Variants in ADPRHL1 observed in about 807,000 individuals in gnomAD.
ADPRHL1 encodes ADP-ribosylhydrolase like 1.
ADPRHL1 carries 43 observed loss-of-function variants against 44.1 expected under a neutral mutation model. The ratio of observed to expected loss-of-function variants is 0.98; its 90% CI spans 0.76 to 1.26. The LOEUF is 1.26. Ranked by LOEUF, ADPRHL1 falls within the 50% of genes most tolerant of loss-of-function variation. The pLI, the probability that ADPRHL1 is intolerant of heterozygous loss-of-function variation, is 0.00. For missense variants in ADPRHL1, 2,022 were observed against 2,496.9 expected (o/e 0.81, Z 4.05); for synonymous variants, 878 against 1,017.4 (o/e 0.86, Z 2.61).
chr13:113,417,642 G>A (rs937520473), intron 7 of ADPRHL1, among the ~76,000 whole-genome samples: 4 of 152,216 alleles, frequency 2.6e-5, no homozygotes, highest in South Asian at 2.1e-4. Flanking sequence ...ATCCCGAGAC[G>A]GTCTCAGGCT....
intron 2 of ADPRHL1, 61 bp from the exon 3 acceptor site, chr13:113,433,928 C>A (rs2044026849): frequency 6.8e-7 from 1 of 1,467,654 alleles, no homozygotes; most frequent in Non-Finnish European, 9.0e-7. Flanking sequence ...CCCTGACAAT[C>A]TAGCTTTCAT....
At chr13:113,423,947 G>A (rs1295974014) in intron 6 of ADPRHL1, among the ~76,000 whole-genome samples, 1 of 152,226 alleles carries the variant, frequency 6.6e-6, no homozygotes, top group African/African-American at 2.4e-5. Flanking sequence ...TGGACCAGGT[G>A]AGAGACTCTT....
At chr13:113,430,369 G>A (rs770030425) in intron 3 of ADPRHL1, among the ~76,000 whole-genome samples, 3 of 152,226 alleles carry the variant, frequency 2.0e-5, no homozygotes, top group Admixed American at 2.0e-4. Context: ...TCCTCTCACT[G>A]CTAGCCATCG....
In ADPRHL1 at chr13:113,406,778, T is replaced by A. The variant is rs2043812423; in HGVS notation, c.2504A>T (p.Gln835Leu). 1 of 1,231,986 alleles carries A rather than the reference T, an allele frequency of 8.1e-7. No homozygotes were observed. The highest frequency in any genetic ancestry group is 1.5e-5 in the African/African-American group (1 of 64,536). The allele number at this position is 1,231,986 out of a possible 1,614,324, so 76.3% of individuals were successfully genotyped here. A position where few individuals can be genotyped will look rare whatever the true frequency, so the allele number is the denominator to read the frequency against. ...TATCCGTGGAGGCTCCGTGGCAGGCTGTGTTCTCCGAGCAGCCTGGACCGA... is the reference window on the plus strand; with the variant it reads ...TATCCGTGGAGGCTCCGTGGCAGGCAGTGTTCTCCGAGCAGCCTGGACCGA... ...APSVQAARRT[Q>L]PATEPPRITV... is the part of the protein sequence containing the mutation. The change falls in exon 8 of 8, where the codon CAG becomes CTG. Residue 835 changes from glutamine (Q) to leucine (L), a missense_variant. Around this residue, in one of 8 missense-constraint regions of ADPRHL1, gnomAD observed 1,221 missense variants for 1,517.8 expected, o/e 0.80. Transcript: ENST00000612156.
chr13:113,441,707 T>C lies in ADPRHL1; in HGVS notation c.379+2718A>G, dbSNP rs2044099751. Among the ~76,000 whole-genome samples, 3 of 152,282 alleles carry C rather than the reference T, an allele frequency of 2.0e-5. No homozygotes were observed. The highest frequency in any genetic ancestry group is 2.0e-4 in the Admixed American group (3 of 15,298). On this transcript the variant is annotated intron_variant, in intron 2 of 7. Coordinates refer to ENST00000612156, the MANE Select transcript of ADPRHL1 (RefSeq NM_001394807.1). The surrounding 1 kb of genome is among the most constrained non-coding windows in gnomAD (Gnocchi z 6.0). Reference sequence around the variant, plus strand: ...TTCTGTAACACTCTATCCCGCTGCGTGGGTCCATGTCTCTATCATGCCATG... The same window carrying C: ...TTCTGTAACACTCTATCCCGCTGCGCGGGTCCATGTCTCTATCATGCCATG...
Position 113,400,839 on chromosome 13 carries a change from A to G in ADPRHL1, c.*2539T>C, listed in dbSNP as rs1371793751. ...CGCTCACAGACTCTGCGCCCGCCAG[A>G]CTGTGAGAGGGGTTCAGGCACGACA... On this transcript the variant is annotated 3_prime_UTR_variant, in exon 8 of 8. Transcript: ENST00000612156. The G allele has an allele frequency of 6.6e-6, 1 of 152,174 alleles. No individual in the cohort carries two copies. The highest frequency in any genetic ancestry group is 1.5e-5 in the Non-Finnish European group (1 of 68,036). 9.4% of individuals were successfully genotyped at this position (152,174 alleles called of 1,614,324 possible). A position where few individuals can be genotyped will look rare whatever the true frequency, so the allele number is the denominator to read the frequency against.
intron 7 of ADPRHL1, chr13:113,422,092 C>T (rs992577556): frequency 6.6e-6 from 1 of 152,236 alleles, no homozygotes; most frequent in Non-Finnish European, 1.5e-5. Flanking sequence ...TCAGCGAGCC[C>T]GATGGGGCAG....
rs140369877 is a variant in ADPRHL1 at position 113,400,255 on chromosome 13, C to T, written c.*3123G>A. On this transcript the variant is annotated 3_prime_UTR_variant, in exon 8 of 8. Coordinates refer to ENST00000612156, the MANE Select transcript of ADPRHL1 (RefSeq NM_001394807.1). ...CCACCTCCCGGGTTCACGCCATTCT[C>T]CTGTCTCAGGCTCCCGAGTAGCTGG... 0.082 allele frequency: 12,114 copies of T among 148,478 alleles called. 1,225 individuals carry two copies. Among genetic ancestry groups the T allele is most frequent in the African/African-American group, 0.23 (9,364 of 40,164 alleles). 9.2% of individuals were successfully genotyped at this position (148,478 alleles called of 1,614,324 possible).
chr13:113,424,075 TC>T, intron 6 of ADPRHL1, 141 bp downstream of exon 6: 2 of 1,195,934 alleles, frequency 1.7e-6, no homozygotes, highest in Non-Finnish European at 2.3e-6. Context: ...CAAAGTGGGT[TC>T]CAGAAAGGAA....
chr13:113,417,094 C>T (rs191538327), intron 7 of ADPRHL1, among the ~76,000 whole-genome samples: 4 of 152,330 alleles, frequency 2.6e-5, no homozygotes, highest in East Asian at 1.9e-4. Flanking sequence ...ATTCAAGGAC[C>T]GTGACAGCAC....
At chr13:113,449,976 T>C (rs2044168348) in intron 1 of ADPRHL1, among the ~76,000 whole-genome samples, 1 of 152,190 alleles carries the variant, frequency 6.6e-6, no homozygotes, top group African/African-American at 2.4e-5. Context: ...TCCTGTAAGA[T>C]TGTGATAAAA....
rs200118384 is a variant in ADPRHL1, at chr13:113,428,941, G to A, written c.646+11C>T. 3.3e-5 allele frequency: 53 copies of A among 1,612,028 alleles called. No homozygotes were observed. Among genetic ancestry groups the A allele is most frequent in the Admixed American group, 1.0e-4 (6 of 60,032 alleles). ...CTCTGAGTGCGGACTGGGGCCGGGG[G>A]AGCGGCTCACCTGCCGTGTGCCGGA... On this transcript the variant is annotated intron_variant, in intron 4 of 7. Coordinates refer to ENST00000612156, the MANE Select transcript of ADPRHL1 (RefSeq NM_001394807.1).
Position 113,406,043 on chromosome 13 carries a change from G to C in ADPRHL1, c.3239C>G (p.Pro1080Arg). ...RRPLLIESSQ[P>R]LKAAEEITSH... is the part of the protein sequence containing the mutation. ...GGTGATTTCCTCGGCAGCCTTCAGGGGCTGAGAAGACTCTATTAGCAGCGG... is the reference window on the plus strand; with the variant it reads ...GGTGATTTCCTCGGCAGCCTTCAGGCGCTGAGAAGACTCTATTAGCAGCGG... Residue 1080 changes from proline to arginine, a missense_variant, in exon 8 of 8, where the codon CCC becomes CGC. Transcript: ENST00000612156. 1 of 1,232,154 alleles carries C rather than the reference G, an allele frequency of 8.1e-7. No individual in the cohort carries two copies. Among genetic ancestry groups the C allele is most frequent in the Non-Finnish European group, 1.0e-6 (1 of 988,018 alleles). 76.3% of individuals were successfully genotyped at this position (1,232,154 alleles called of 1,614,324 possible). A position where few individuals can be genotyped will look rare whatever the true frequency, so the allele number is the denominator to read the frequency against.
Position 113,399,724 on chromosome 13 carries a change from T to C in ADPRHL1, c.*3654A>G, listed in dbSNP as rs1420762833. ...TTAGTAATTTTTTCTGACTAACCCA[T>C]TTTAGGGTTGTTTATATACAAAGAA... On this transcript the variant is annotated 3_prime_UTR_variant, in exon 8 of 8. Transcript: ENST00000612156. 1.3e-5 allele frequency: 2 copies of C among 152,016 alleles called. No individual in the cohort carries two copies. The highest frequency in any genetic ancestry group is 4.8e-5 in the African/African-American group (2 of 41,406). 9.4% of individuals were successfully genotyped at this position (152,016 alleles called of 1,614,324 possible).
chr13:113,424,084 G>T (rs2043945584), intron 6 of ADPRHL1, 133 bp downstream of exon 6: 1 of 1,279,676 alleles, frequency 7.8e-7, no homozygotes, highest in Non-Finnish European at 1.1e-6. Context: ...TTCCAGAAAG[G>T]AAGAGATGGA....
At position 113,405,266 on chromosome 13, in the gene ADPRHL1, T is replaced by C; in HGVS notation, c.4016A>G (p.Gln1339Arg). 8.1e-7 allele frequency: 1 copy of C among 1,231,916 alleles called. No individual in the cohort carries two copies. Among genetic ancestry groups the C allele is most frequent in the East Asian group, 3.2e-5 (1 of 31,688 alleles). 76.3% of individuals were successfully genotyped at this position (1,231,916 alleles called of 1,614,324 possible). ...ACCAGCAGTAGGGGGCAGGTGTGCC[T>C]GTAGATGGGGAGGGCCCCGCTGGTG... ...GTHQRGPPHL[Q>R]AHLPPTAGDT... The change falls in exon 8 of 8, where the codon CAG becomes CGG. Residue 1339 changes from glutamine to arginine, a missense_variant. By Grantham distance (43) the Gln-to-Arg change is conservative (BLOSUM62 1). Transcript: ENST00000612156.
chr13:113,451,802 C>T (rs574844372), intron 1 of ADPRHL1, among the ~76,000 whole-genome samples: 6 of 148,126 alleles, frequency 4.1e-5, no homozygotes, highest in African/African-American at 1.3e-4. Context: ...AGAAAGACTC[C>T]GTCTCAAAAA....
At chr13:113,412,116 GC>G (rs2043856468) in intron 7 of ADPRHL1, among the ~76,000 whole-genome samples, 2 of 152,190 alleles carry the variant, frequency 1.3e-5, no homozygotes, top group Admixed American at 6.5e-5. Flanking sequence ...GATTCTGGGA[GC>G]CCCCAGCTCA....
rs367917104 is a variant in ADPRHL1 at position 113,424,335 on chromosome 13, C to G, written c.789G>C (p.Trp263Cys). The change falls in exon 6 of 8, where the codon TGG becomes TGC. Residue 263 changes from tryptophan (W) to cysteine (C), a missense_variant. By Grantham distance (215) the Trp-to-Cys change is radical (BLOSUM62 -2). This residue lies in a region of ADPRHL1 where 437 missense variants were observed against 430.7 expected (regional missense o/e 1.01). Transcript: ENST00000612156. ...AEEREKTYRKWSSEGRGGRRG... is the reference protein window; with the variant it reads ...AEEREKTYRKCSSEGRGGRRG... ...GTCTTCCCCCTCGACCTTCCGAGCT[C>G]CACTTCCTGTAGGTCTGACAAGAGA... The G allele has an allele frequency of 1.2e-6, 2 of 1,612,644 alleles. No homozygotes were observed. The highest frequency in any genetic ancestry group is 2.2e-5 in the East Asian group (1 of 44,894).
Sources: gnomAD v4.1 joint callset for allele counts (sites outside exome capture counted in the v4.1 genomes callset) on GRCh38, gnomAD v4.1.1 for gene constraint, gnomAD v4.1.1 regional missense constraint, Gnocchi (gnomAD v3.1) non-coding constraint, MANE v1.5 for transcripts, NCBI Gene and HGNC (gene_info 2026-07-23, HGNC 2026-07-21) for gene names.